Variants in CROCC observed in about 807,000 individuals in gnomAD.
CROCC encodes the protein rootletin.
CROCC carries 180 observed loss-of-function variants against 245.2 expected under a neutral mutation model. The observed-to-expected ratio is 0.73, with a 90% confidence interval of 0.65 to 0.83. The LOEUF is 0.83. Among genes scored for constraint, CROCC ranks in the 40% least tolerant of loss-of-function variants. The pLI, the probability that CROCC is intolerant of heterozygous loss-of-function variation, is 0.00. For synonymous variants in CROCC, 1,205 were observed against 1,241.6 expected (o/e 0.97, Z 0.62); for missense variants, 2,688 against 2,779.4 (o/e 0.97, Z 0.74).
chr1:16,971,525 C>T lies in CROCC; in HGVS notation c.5845C>T (p.Gln1949Ter). Residue 1949 changes from glutamine to a stop codon, truncating the protein, a stop_gained, in exon 36 of 37, where the codon CAG (glutamine) becomes TAG (stop). Transcript: ENST00000375541. LOFTEE classifies it high-confidence loss of function. ...GGCCCAGCTGGAGGTGGATGCGCAG[C>T]AGCAGCAGCTGGAGCTGCAGCAGGA... ...SPAQLEVDAQ[Q>*]QQLELQQEVE... is the part of the protein sequence containing the mutation. The T allele has an allele frequency of 6.5e-7, 1 of 1,536,928 alleles. No homozygotes were observed. Among genetic ancestry groups the T allele is most frequent in the Non-Finnish European group, 8.7e-7 (1 of 1,146,302 alleles).
intron 8 of CROCC, among the ~76,000 whole-genome samples, chr1:16,933,616 G>T (rs527394036): frequency 0.016 from 2,451 of 151,536 alleles, no homozygotes; most frequent in African/African-American, 0.056. Context: ...GCCCAGGCTG[G>T]AGTGAAGTGG....
intron 35 of CROCC, chr1:16,971,093 T>C: frequency 2.2e-6 from 1 of 446,768 alleles, no homozygotes; most frequent in Non-Finnish European, 4.0e-6. Flanking sequence ...GAATATGTGT[T>C]TGTGTACAGA....
intron 25 of CROCC, 130 bp downstream of exon 25, chr1:16,956,286 C>T (rs1570688490): frequency 1.0e-6 from 1 of 986,836 alleles, no homozygotes; most frequent in South Asian, 1.7e-5. Context: ...GCCCTCTCAC[C>T]TAACCTTGGT....
At position 16,954,280 on chromosome 1, in the gene CROCC, C is replaced by A. The variant is rs201086543; in HGVS notation, c.3244C>A (p.Arg1082=). 6.2e-7 allele frequency: 1 copy of A among 1,611,830 alleles called. No individual in the cohort carries two copies. The highest frequency in any genetic ancestry group is 1.1e-5 in the South Asian group (1 of 90,992). The change falls in exon 22 of 37, where the codon CGG becomes AGG. Residue 1082 remains arginine (R), a synonymous_variant. Transcript: ENST00000375541. The surrounding 1 kb of genome is among the most constrained non-coding windows in gnomAD (Gnocchi z 4.4). ...GCTGTCAGAGAAGTTGATGGGTACA[C>A]GGCACAGCCTGGCCACCATCTCCCT... ...TALSEKLMGT[R]HSLATISLEM...
chr1:16,924,058 C>A (rs1421403649), intron 2 of CROCC, among the ~76,000 whole-genome samples: 1 of 152,284 alleles, frequency 6.6e-6, no homozygotes, highest in African/African-American at 2.4e-5. Context: ...ACTCAGGGGT[C>A]TCCTGGCTCC....
intron 20 of CROCC, among the ~76,000 whole-genome samples, chr1:16,951,705 A>G (rs2076162219): frequency 6.6e-6 from 1 of 152,218 alleles, no homozygotes; most frequent in African/African-American, 2.4e-5. Context: ...TGGCACTGAC[A>G]TGCTCTCCAG....
intron 8 of CROCC, among the ~76,000 whole-genome samples, chr1:16,932,774 C>T (rs2075706769): frequency 1.3e-5 from 2 of 152,272 alleles, no homozygotes; most frequent in South Asian, 4.1e-4. Context: ...GCAGTCAGCT[C>T]AACAGTAGTG....
At chr1:16,943,069 C>T (rs1415053656) in intron 13 of CROCC, among the ~76,000 whole-genome samples, 1 of 152,146 alleles carries the variant, frequency 6.6e-6, no homozygotes, top group African/African-American at 2.4e-5. Flanking sequence ...ATGGAGAAAC[C>T]CTGTCTCTAC....
intron 27 of CROCC, among the ~76,000 whole-genome samples, chr1:16,962,534 CAAAAA>C (rs1197806001): frequency 4.6e-5 from 1 of 21,886 alleles, no homozygotes; most frequent in Non-Finnish European, 8.1e-5. Flanking sequence ...GACTCCGTCT[CAAAAA>C]AAAAAAAAAA....
At chr1:16,929,109 G>A (rs2075603889) in intron 3 of CROCC, among the ~76,000 whole-genome samples, 1 of 152,288 alleles carries the variant, frequency 6.6e-6, no homozygotes, top group Non-Finnish European at 1.5e-5. Flanking sequence ...TCACAGGCAT[G>A]AGCCACTGCA....
chr1:16,935,703 C>T (rs537272607), intron 8 of CROCC, among the ~76,000 whole-genome samples: 4 of 152,404 alleles, frequency 2.6e-5, no homozygotes, highest in Admixed American at 6.5e-5. Flanking sequence ...GGATTACAGG[C>T]GTGAGCCACC....
intron 27 of CROCC, among the ~76,000 whole-genome samples, chr1:16,961,859 A>C (rs1243177273): frequency 6.6e-6 from 1 of 151,984 alleles, no homozygotes; most frequent in African/African-American, 2.4e-5. Flanking sequence ...CGATCCTCCC[A>C]CTGGGATTAC....
chr1:16,928,714 A>G (rs1248410811), intron 3 of CROCC, among the ~76,000 whole-genome samples: 5 of 151,968 alleles, frequency 3.3e-5, no homozygotes, highest in Non-Finnish European at 5.9e-5. Context: ...GAGGCAGGAG[A>G]ATCATTTGAA....
rs2076406714 is a variant in CROCC at position 16,965,823 on chromosome 1, G to C, written c.4506G>C (p.Leu1502=). The C allele has an allele frequency of 1.2e-6, 2 of 1,613,652 alleles. No homozygotes were observed. The highest frequency in any genetic ancestry group is 1.3e-5 in the African/African-American group (1 of 74,928). The change falls in exon 28 of 37, where the codon CTG becomes CTC. Residue 1502 remains leucine (L), a synonymous_variant. Coordinates refer to ENST00000375541, the MANE Select transcript of CROCC (RefSeq NM_014675.5). ...CCACCTCCCCAGCCTCTCCAGACCT[G>C]GACCCGGAGGCAGTGCGCGGGGCCC... is the stretch of plus-strand genomic sequence containing the variant. ...GPATSPASPD[L]DPEAVRGALR...
chr1:16,938,615 AC>A (rs1227899190), intron 11 of CROCC, 132 bp downstream of exon 11: 2 of 932,964 alleles, frequency 2.1e-6, no homozygotes, highest in Non-Finnish European at 3.2e-6. Context: ...GCTGCTCAGC[AC>A]CCCTGCTAGC....
chr1:16,940,159 A>T, intron 13 of CROCC, 66 bp downstream of exon 13: 1 of 1,501,384 alleles, frequency 6.7e-7, no homozygotes, highest in Non-Finnish European at 9.0e-7. Flanking sequence ...AACACCAGTC[A>T]AGCCTTATGC....
chr1:16,944,269 G>A lies in CROCC; in HGVS notation c.1978G>A (p.Glu660Lys). ...AVQDGARVRR[E>K]LERSHRQLEQ... ...GCAGGATGGCGCGCGGGTGCGCCGG[G>A]AGCTTGAGCGCAGGTGAGCAGCATC... Residue 660 changes from glutamate to lysine, a missense_variant, in exon 14 of 37, where the codon GAG becomes AAG. Glu to Lys is a moderately conservative substitution (Grantham distance 56). Transcript: ENST00000375541. 6.5e-7 allele frequency: 1 copy of A among 1,541,190 alleles called. No individual in the cohort carries two copies. Among genetic ancestry groups the A allele is most frequent in the Non-Finnish European group, 8.8e-7 (1 of 1,142,294 alleles).
Position 16,948,414 on chromosome 1 carries a change from A to G in CROCC, c.2598A>G (p.Arg866=), listed in dbSNP as rs1445712214. The change falls in exon 18 of 37, where the codon CGA becomes CGG. Residue 866 remains arginine (R), a synonymous_variant. Transcript: ENST00000375541. ...AGCGGCAAGTGGAGGCGCTGGAGCG[A>G]GCGGCCCGTGAGAAGGAGGCGCTAG... ...EAQRQVEALE[R]AAREKEALAK... 1.3e-6 allele frequency: 2 copies of G among 1,573,838 alleles called. No homozygotes were observed. The highest frequency in any genetic ancestry group is 1.7e-6 in the Non-Finnish European group (2 of 1,162,014).
Position 16,955,328 on chromosome 1 carries a change from C to G in CROCC, c.3482C>G (p.Thr1161Ser). The change falls in exon 24 of 37, where the codon ACC (threonine) becomes AGC (serine). Residue 1161 changes from threonine to serine, a missense_variant. By Grantham distance (58) the Thr-to-Ser change is moderately conservative (BLOSUM62 1). Coordinates refer to ENST00000375541, the MANE Select transcript of CROCC (RefSeq NM_014675.5). Reference sequence around the variant, plus strand: ...TGCTCACAGGCAGAAGAGCTTCGGACCCAGCTGCGTCTGCTGGAGGATGCC... The same window carrying G: ...TGCTCACAGGCAGAAGAGCTTCGGAGCCAGCTGCGTCTGCTGGAGGATGCC... ...SCLREAEELRTQLRLLEDARD... is the reference protein window; with the variant it reads ...SCLREAEELRSQLRLLEDARD... 6.2e-7 allele frequency: 1 copy of G among 1,608,116 alleles called. No individual in the cohort carries two copies. The highest frequency in any genetic ancestry group is 1.3e-5 in the African/African-American group (1 of 75,040).
Sources: allele counts gnomAD v4.1 joint callset (sites outside exome capture counted in the v4.1 genomes callset), GRCh38; gene constraint gnomAD v4.1.1; non-coding constraint Gnocchi (gnomAD v3.1); transcripts MANE v1.5; gene names NCBI Gene and HGNC (gene_info 2026-07-23, HGNC 2026-07-21).